The following SLC35F2 variants were observed in gnomAD, a reference collection of about 807,000 sequenced individuals.
SLC35F2 encodes the protein solute carrier family 35 member F2.
In SLC35F2, 25 loss-of-function variants were observed where a neutral mutation model predicts 38.1. The ratio of observed to expected loss-of-function variants is 0.66; its 90% CI spans 0.48 to 0.92. The LOEUF (loss-of-function observed/expected upper bound fraction) is 0.92. SLC35F2 is among the 40% of genes least tolerant of loss of function. SLC35F2 has a pLI of 0.00. For missense variants in SLC35F2, 409 were observed against 452.9 expected, an observed-to-expected ratio of 0.90 and a Z score of 0.88; for synonymous variants, 173 against 181.7, an observed-to-expected ratio of 0.95 and a Z score of 0.38.
intron 1 of SLC35F2, among the ~76,000 whole-genome samples, chr11:107,829,264 C>T (rs778578774): frequency 3.3e-5 from 5 of 151,600 alleles, no homozygotes; most frequent in African/African-American, 4.9e-5. Flanking sequence ...ACTAAAAGTA[C>T]AAAAATTAGC....
intron 1 of SLC35F2, among the ~76,000 whole-genome samples, chr11:107,821,270 T>C (rs948440119): frequency 5.9e-5 from 9 of 152,344 alleles, no homozygotes; most frequent in Admixed American, 2.0e-4. Context: ...TAAGCTCATA[T>C]CTGCATTCTA....
At position 107,811,795 on chromosome 11, in the gene SLC35F2, C is replaced by A; in HGVS notation, c.287-1G>T. On this transcript the variant is annotated splice_acceptor_variant, in intron 2 of 7. Coordinates refer to ENST00000525815, the MANE Select transcript of SLC35F2 (RefSeq NM_017515.5). LOFTEE classifies it high-confidence loss of function. ...AAGATTACTAAAAGGTTATCACTGC[C>A]TGGTTGAAAGAAATATGGGTTAGTA... 6.2e-7 allele frequency: 1 copy of A among 1,613,352 alleles called. No individual in the cohort carries two copies. Among genetic ancestry groups the A allele is most frequent in the Non-Finnish European group, 8.5e-7 (1 of 1,179,602 alleles).
intron 7 of SLC35F2, among the ~76,000 whole-genome samples, chr11:107,793,649 T>C (rs1859168782): frequency 6.6e-6 from 1 of 152,236 alleles, no homozygotes; most frequent in South Asian, 2.1e-4. Flanking sequence ...GTAAAATTTA[T>C]GGTGGACTGA....
intron 1 of SLC35F2, chr11:107,840,896 A>G (rs148029221): frequency 1.0e-4 from 16 of 152,388 alleles, no homozygotes; most frequent in African/African-American, 3.9e-4. Flanking sequence ...TAATCTAGAA[A>G]GCTCGTGGAG....
rs1491266223 is a variant in SLC35F2 at position 107,818,111 on chromosome 11, A to AGAAAGAAT, written c.111-2147_111-2146insATTCTTTC. ...AAGAAAGAAAGAAAGAAAGAAAGAA[A>AGAAAGAAT]GAAAGAAAGAAAGAAAGAAAGAAAA... On this transcript the variant is annotated intron_variant, in intron 1 of 7. Coordinates refer to ENST00000525815, the MANE Select transcript of SLC35F2 (RefSeq NM_017515.5). 2.2e-5 allele frequency among the ~76,000 whole-genome samples: 3 copies of AGAAAGAAT among 137,106 alleles called. No homozygotes were observed. In the South Asian group the frequency reaches 6.3e-4, roughly 29 times the overall value. 89.9% of individuals were successfully genotyped at this position (137,106 alleles called of 152,430 possible).
chr11:107,799,953 A>G (rs34552632), intron 7 of SLC35F2, among the ~76,000 whole-genome samples: 22,604 of 150,046 alleles, frequency 0.15, 2,740 homozygotes, highest in East Asian at 0.43. Flanking sequence ...CAGTGGCGTG[A>G]TCTCGGCTTA....
At chr11:107,809,256 G>A (rs895424485) in intron 3 of SLC35F2, among the ~76,000 whole-genome samples, 3 of 150,518 alleles carry the variant, frequency 2.0e-5, no homozygotes, top group South Asian at 2.1e-4. Flanking sequence ...GGCCAAGGCC[G>A]GAGGATCACT....
chr11:107,817,654 C>CTACT (rs1282208849), intron 1 of SLC35F2, among the ~76,000 whole-genome samples: 2 of 152,316 alleles, frequency 1.3e-5, no homozygotes, highest in East Asian at 3.9e-4. Context: ...TCACCTTGAA[C>CTACT]TACTCTCACA....
chr11:107,827,785 C>T (rs2134817776), intron 1 of SLC35F2, among the ~76,000 whole-genome samples: 1 of 149,810 alleles, frequency 6.7e-6, no homozygotes, highest in Non-Finnish European at 1.5e-5. Flanking sequence ...TGGTGGAGCA[C>T]CCATAATCCC....
intron 7 of SLC35F2, 143 bp downstream of exon 7, chr11:107,802,858 A>C (rs1859332425): frequency 1.3e-6 from 1 of 750,064 alleles, no homozygotes; most frequent in Non-Finnish European, 2.1e-6. Context: ...GTAATTCAGA[A>C]GCAGCAAAGG....
At chr11:107,845,238 C>T (rs1002863170) in intron 1 of SLC35F2, among the ~76,000 whole-genome samples, 1 of 152,166 alleles carries the variant, frequency 6.6e-6, no homozygotes. Context: ...CTTAGTAAGG[C>T]TGTGTTAGAC....
chr11:107,840,603 A>G (rs1302465224), intron 1 of SLC35F2: 1 of 152,214 alleles, frequency 6.6e-6, no homozygotes, highest in Non-Finnish European at 1.5e-5. Flanking sequence ...TCAGATGAAG[A>G]TAATCAACTG....
At chr11:107,810,637 A>C in intron 3 of SLC35F2, 1 of 985,416 alleles carries the variant, frequency 1.0e-6, no homozygotes, top group Non-Finnish European at 1.2e-6. Flanking sequence ...GTCTTAATAA[A>C]TCATTTCCTA....
intron 1 of SLC35F2, among the ~76,000 whole-genome samples, chr11:107,850,022 T>C (rs995804080): frequency 1.3e-5 from 2 of 152,184 alleles, no homozygotes; most frequent in Non-Finnish European, 2.9e-5. Context: ...CCAAGCTCCT[T>C]GGGCTAATGG....
At position 107,805,442 on chromosome 11, in the gene SLC35F2, C is replaced by T. The variant is rs775230711; in HGVS notation, c.648G>A (p.Glu216=). ...ASLYAISNVC[E]EYIVKKLSRQ... The stretch of plus-strand genomic sequence containing the variant: ...TGCTCAGCTTCTTCACGATGTATTC[C>T]TCACAAACATTTGAAATGGCATAGA... Residue 216 remains glutamate (E), a synonymous_variant, in exon 5 of 8, where the codon GAG becomes GAA. Transcript: ENST00000525815. 3.1e-6 allele frequency: 5 copies of T among 1,613,980 alleles called. No individual in the cohort carries two copies. The East Asian group carries it at 1.1e-4, about 36-fold the overall frequency.
At chr11:107,838,777 C>A (rs1225448798) in intron 1 of SLC35F2, among the ~76,000 whole-genome samples, 2 of 151,772 alleles carry the variant, frequency 1.3e-5, no homozygotes, top group Non-Finnish European at 2.9e-5. Context: ...TACAGGCGTG[C>A]ACCTCCATGC....
intron 6 of SLC35F2, 188 bp from the exon 7 acceptor site, chr11:107,803,343 G>C: frequency 1.0e-6 from 1 of 985,032 alleles, no homozygotes; most frequent in Non-Finnish European, 1.2e-6. Flanking sequence ...ATAGCAAGTT[G>C]TGATGTAGAT....
rs574082739 is a variant in SLC35F2 at position 107,812,838 on chromosome 11, A to C, written c.287-1044T>G. 4.6e-4 allele frequency among the ~76,000 whole-genome samples: 70 copies of C among 152,314 alleles called. No individual in the cohort carries two copies. In the South Asian group the frequency reaches 0.011, roughly 24 times the overall value. ...TTAATTGGTTATTTAACTTCTATTC[A>C]TGGGCTTCTTCAAAGAAAAGTCTGC... On this transcript the variant is annotated intron_variant, in intron 2 of 7. Transcript: ENST00000525815.
At chr11:107,858,534 GTGCGGCCGC>G in intron 1 of SLC35F2, 115 bp downstream of exon 1, 1 of 891,822 alleles carries the variant, frequency 1.1e-6, no homozygotes, top group African/African-American at 1.7e-5. Context: ...ACCGAAGTCC[GTGCGGCCGC>G]CACCTCTGCC....
Sources: gnomAD v4.1 joint callset for allele counts (sites outside exome capture counted in the v4.1 genomes callset) on GRCh38, gnomAD v4.1.1 for gene constraint, MANE v1.5 for transcripts, NCBI Gene and HGNC (gene_info 2026-07-23, HGNC 2026-07-21) for gene names.